The following LEMD3 variants were observed in gnomAD, a reference collection of about 807,000 sequenced individuals.
The protein encoded by LEMD3 is inner nuclear membrane protein Man1.
LEMD3 carries 33 observed loss-of-function variants against 95.2 expected under a neutral mutation model. That is an observed-to-expected ratio of 0.35 (90% CI 0.26 to 0.46). LEMD3 has a LOEUF of 0.46. Ranked by LOEUF, LEMD3 falls within the 20% of genes least tolerant of loss-of-function variation. LEMD3 has a pLI of 1.00. For missense variants in LEMD3, 1,210 were observed against 1,192.8 expected, an observed-to-expected ratio of 1.01 and a Z score of -0.21; for synonymous variants, 525 against 474.6, an observed-to-expected ratio of 1.11 and a Z score of -1.38.
chr12:65,204,124 G>A (rs1036712398), intron 1 of LEMD3, among the ~76,000 whole-genome samples: 1 of 151,390 alleles, frequency 6.6e-6, no homozygotes, highest in Admixed American at 6.6e-5. Context: ...GATGTTCAAA[G>A]TCAGACTTAA....
chr12:65,188,254 G>C (rs1185681847), intron 1 of LEMD3, among the ~76,000 whole-genome samples: 4 of 152,080 alleles, frequency 2.6e-5, no homozygotes, highest in Admixed American at 2.6e-4. Flanking sequence ...TCATACTGCA[G>C]GGTTGAAGTA....
chr12:65,241,917 G>A (rs112200202), intron 9 of LEMD3, among the ~76,000 whole-genome samples: 3 of 152,196 alleles, frequency 2.0e-5, no homozygotes, highest in African/African-American at 7.2e-5. Context: ...GCTAAAGCAG[G>A]CAGGGCTTAA....
chr12:65,242,669 G>T (rs1465264758), intron 9 of LEMD3, among the ~76,000 whole-genome samples: 1 of 152,020 alleles, frequency 6.6e-6, no homozygotes, highest in Non-Finnish European at 1.5e-5. Flanking sequence ...CACTTGCACT[G>T]TTGGCCTGTC....
intron 9 of LEMD3, among the ~76,000 whole-genome samples, chr12:65,242,267 A>G (rs546146090): frequency 6.6e-6 from 1 of 151,840 alleles, no homozygotes; most frequent in East Asian, 1.9e-4. Context: ...TTTCTAGATT[A>G]TCCTCTTTTT....
Position 65,170,713 on chromosome 12 carries a change from A to G in LEMD3, c.1117A>G (p.Thr373Ala). Residue 373 changes from threonine (T) to alanine (A), a missense_variant, in exon 1 of 13, where the codon ACT becomes GCT. Transcript: ENST00000308330. ...GACCCCTCTCCTGCCCCCGCCACTT[A>G]CTGACATGGACTCAACCTTGGATTC... ...KLTPLLPPPLTDMDSTLDSST... is the reference protein window; with the variant it reads ...KLTPLLPPPLADMDSTLDSST... The G allele has an allele frequency of 6.2e-7, 1 of 1,614,178 alleles. No homozygotes were observed. The highest frequency in any genetic ancestry group is 8.5e-7 in the Non-Finnish European group (1 of 1,180,016).
At position 65,229,233 on chromosome 12, in the gene LEMD3, T is replaced by G. The variant is rs896717606; in HGVS notation, c.1696-9269T>G. On this transcript the variant is annotated intron_variant, in intron 4 of 12. Transcript: ENST00000308330. The stretch of plus-strand genomic sequence containing the variant: ...ATGTGAATCACATAATTTTATTCTT[T>G]ATTATGGCTGAATAGTATTCCATTG... 2.6e-5 allele frequency among the ~76,000 whole-genome samples: 4 copies of G among 152,254 alleles called. No individual in the cohort carries two copies. In the South Asian group the frequency reaches 8.3e-4, roughly 32 times the overall value.
intron 4 of LEMD3, among the ~76,000 whole-genome samples, chr12:65,225,998 G>C (rs1348811888): frequency 2.0e-5 from 3 of 152,220 alleles, no homozygotes; most frequent in Middle Eastern, 3.2e-3. Flanking sequence ...TGTGAAGTCA[G>C]AACTTTGGAT....
chr12:65,225,892 C>T (rs371919237), intron 4 of LEMD3, among the ~76,000 whole-genome samples: 23 of 152,202 alleles, frequency 1.5e-4, no homozygotes, highest in African/African-American at 5.5e-4. Context: ...GCTCTTTTTT[C>T]TTCTTAGTGG....
At position 65,237,573 on chromosome 12, in the gene LEMD3, G is replaced by A. The variant is rs564697690; in HGVS notation, c.1696-929G>A. ...CTTTGAATGGATCTTTTACCTATGC[G>A]TGATTGGTTTTTATAAAAATCAGAA... On this transcript the variant is annotated intron_variant, in intron 4 of 12. Coordinates refer to ENST00000308330, the MANE Select transcript of LEMD3 (RefSeq NM_014319.5). Among the ~76,000 whole-genome samples the A allele has an allele frequency of 1.4e-4, 22 of 152,234 alleles. 1 individual carries two copies. In the South Asian group the frequency reaches 4.1e-3, roughly 29 times the overall value.
Position 65,169,801 on chromosome 12 carries a change from A to C in LEMD3, c.205A>C (p.Asn69His). 1.3e-6 allele frequency: 2 copies of C among 1,527,570 alleles called. No individual in the cohort carries two copies. The highest frequency in any genetic ancestry group is 1.8e-6 in the Non-Finnish European group (2 of 1,135,416). 94.6% of individuals were successfully genotyped at this position (1,527,570 alleles called of 1,614,324 possible). The stretch of plus-strand genomic sequence containing the variant: ...CAACAAGACGCGGAACAGTAATAAC[A>C]ATAACACGGCAGCCGCCACGGTCGC... The part of the protein sequence containing the change: ...RGNKTRNSNN[N>H]NTAAATVAAA... The change falls in exon 1 of 13, where the codon AAT becomes CAT. Residue 69 changes from asparagine to histidine, a missense_variant. Asn to His is a moderately conservative substitution (Grantham distance 68). Around this residue, in one of 2 missense-constraint regions of LEMD3, gnomAD observed 749 missense variants for 622.9 expected, o/e 1.20. Transcript: ENST00000308330.
At chr12:65,190,533 A>G (rs767104117) in intron 1 of LEMD3, among the ~76,000 whole-genome samples, 5 of 152,154 alleles carry the variant, frequency 3.3e-5, no homozygotes, top group African/African-American at 1.2e-4. Context: ...CCAATTGCCA[A>G]TCAGAATATG....
intron 2 of LEMD3, among the ~76,000 whole-genome samples, chr12:65,213,933 T>TA (rs1444922446): frequency 3.9e-5 from 6 of 152,234 alleles, no homozygotes; most frequent in African/African-American, 1.2e-4. Flanking sequence ...CCTTGGTTTT[T>TA]ATGTGTCACA....
In LEMD3 at chr12:65,169,937, G is replaced by A. The variant is rs1166240038; in HGVS notation, c.341G>A (p.Gly114Asp). ...PGGLCRISAS[G>D]PESLLGGPGG... Reference sequence around the variant, plus strand: ...GGCCTGTGCCGAATCTCGGCCTCTGGCCCAGAGAGCCTCCTGGGAGGGCCC... The same window carrying A: ...GGCCTGTGCCGAATCTCGGCCTCTGACCCAGAGAGCCTCCTGGGAGGGCCC... Residue 114 changes from glycine to aspartate, a missense_variant, in exon 1 of 13, where the codon GGC (glycine) becomes GAC (aspartate). Physicochemically the swap from Gly to Asp is moderately conservative, Grantham distance 94. Coordinates refer to ENST00000308330, the MANE Select transcript of LEMD3 (RefSeq NM_014319.5). 6.9e-7 allele frequency: 1 copy of A among 1,452,178 alleles called. No homozygotes were observed. The highest frequency in any genetic ancestry group is 3.0e-5 in the Admixed American group (1 of 33,558). The allele number at this position is 1,452,178 out of a possible 1,614,324, so 90.0% of individuals were successfully genotyped here.
chr12:65,240,012 A>G lies in LEMD3; in HGVS notation c.2005A>G (p.Met669Val). The G allele has an allele frequency of 6.2e-7, 1 of 1,606,416 alleles. No individual in the cohort carries two copies. Among genetic ancestry groups the G allele is most frequent in the Non-Finnish European group, 8.5e-7 (1 of 1,173,118 alleles). ...EEEETRQMYD[M>V]VVKIIDVLRS... is the part of the protein sequence containing the mutation. Reference sequence around the variant, plus strand: ...GGAGGAAACAAGGCAGATGTATGATATGGTGGTAAAGATTATAGGTATGAT... The same window carrying G: ...GGAGGAAACAAGGCAGATGTATGATGTGGTGGTAAAGATTATAGGTATGAT... Residue 669 changes from methionine (M) to valine (V), a missense_variant, in exon 7 of 13, where the codon ATG becomes GTG. Physicochemically the swap from Met to Val is conservative, Grantham distance 21. This residue lies in a region of LEMD3 where 461 missense variants were observed against 569.8 expected (regional missense o/e 0.81). Coordinates refer to ENST00000308330, the MANE Select transcript of LEMD3 (RefSeq NM_014319.5).
chr12:65,194,991 G>A (rs1343143443), intron 1 of LEMD3, among the ~76,000 whole-genome samples: 1 of 151,574 alleles, frequency 6.6e-6, no homozygotes, highest in Non-Finnish European at 1.5e-5. Context: ...GAATGACTAA[G>A]TAGACATTTT....
chr12:65,169,975 G>A lies in LEMD3; in HGVS notation c.379G>A (p.Ala127Thr), dbSNP rs866769461. The A allele has an allele frequency of 2.0e-6, 3 of 1,464,938 alleles. No homozygotes were observed. The highest frequency in any genetic ancestry group is 2.8e-5 in the Admixed American group (1 of 35,188). 90.7% of individuals were successfully genotyped at this position (1,464,938 alleles called of 1,614,324 possible). Residue 127 changes from alanine (A) to threonine (T), a missense_variant, in exon 1 of 13, where the codon GCC becomes ACC. By Grantham distance (58) the Ala-to-Thr change is moderately conservative (BLOSUM62 0). Around this residue, in one of 2 missense-constraint regions of LEMD3, gnomAD observed 749 missense variants for 622.9 expected, o/e 1.20. Transcript: ENST00000308330. ...CCTGGGAGGGCCCGGGGGCGCCTCCGCCGCCCCCGCGGCTGGCAGCAAAGT... is the reference window on the plus strand; with the variant it reads ...CCTGGGAGGGCCCGGGGGCGCCTCCACCGCCCCCGCGGCTGGCAGCAAAGT... ...SLLGGPGGAS[A>T]APAAGSKVLL...
rs1191747135 is a variant in LEMD3 at position 65,169,985 on chromosome 12, C to T, written c.389C>T (p.Ala130Val). 2 of 1,470,900 alleles carry T rather than the reference C, an allele frequency of 1.4e-6. No individual in the cohort carries two copies. The highest frequency in any genetic ancestry group is 1.8e-6 in the Non-Finnish European group (2 of 1,122,524). 91.1% of individuals were successfully genotyped at this position (1,470,900 alleles called of 1,614,324 possible). A position where few individuals can be genotyped will look rare whatever the true frequency, so the allele number is the denominator to read the frequency against. ...GGPGGASAAP[A>V]AGSKVLLGFS... ...CCCGGGGGCGCCTCCGCCGCCCCCG[C>T]GGCTGGCAGCAAAGTGCTGCTGGGC... The change falls in exon 1 of 13, where the codon GCG (alanine) becomes GTG (valine). Residue 130 changes from alanine to valine, a missense_variant. By Grantham distance (64) the Ala-to-Val change is moderately conservative. Coordinates refer to ENST00000308330, the MANE Select transcript of LEMD3 (RefSeq NM_014319.5).
rs547261484 is a variant in LEMD3 at position 65,213,737 on chromosome 12, T to C, written c.1561-2240T>C. 2.4e-4 allele frequency among the ~76,000 whole-genome samples: 37 copies of C among 152,358 alleles called. No individual in the cohort carries two copies. The South Asian group carries it at 6.8e-3, about 28-fold the overall frequency. On this transcript the variant is annotated intron_variant, in intron 2 of 12. Coordinates refer to ENST00000308330, the MANE Select transcript of LEMD3 (RefSeq NM_014319.5). ...AAAGTTTATTCGCAGGTCCCTCTTA[T>C]GTTTATTAAAGATGTAATCAGAGGA...
At chr12:65,177,223 A>T (rs1868749494) in intron 1 of LEMD3, among the ~76,000 whole-genome samples, 1 of 152,204 alleles carries the variant, frequency 6.6e-6, no homozygotes, top group African/African-American at 2.4e-5. Context: ...TGGTCCTTTA[A>T]GAAGGATAAA....
Sources: allele counts gnomAD v4.1 joint callset (sites outside exome capture counted in the v4.1 genomes callset), GRCh38; gene constraint gnomAD v4.1.1; regional missense constraint gnomAD v4.1.1; transcripts MANE v1.5; gene names NCBI Gene and HGNC (gene_info 2026-07-23, HGNC 2026-07-21).